The following ADARB2 variants were observed in gnomAD, a reference collection of about 807,000 sequenced individuals.
ADARB2 encodes the protein inactive double-stranded RNA-specific editase B2.
Under a neutral mutation model 62.2 loss-of-function variants are expected in ADARB2, and 25 were observed. That is an observed-to-expected ratio of 0.40 (90% CI 0.29 to 0.56). The LOEUF is 0.56. Ranked by LOEUF, ADARB2 falls within the 20% of genes least tolerant of loss-of-function variation. ADARB2 has a pLI of 0.43. For synonymous variants in ADARB2, 572 were observed against 500.8 expected, an observed-to-expected ratio of 1.14 and a Z score of -1.90; for missense variants, 1,071 against 1,077.4, an observed-to-expected ratio of 0.99 and a Z score of 0.08.
intron 1 of ADARB2, among the ~76,000 whole-genome samples, chr10:1,445,273 TCCAC>T (rs1469098649): frequency 8.6e-5 from 13 of 151,820 alleles, no homozygotes; most frequent in East Asian, 3.9e-4. Context: ...CATCCATCCA[TCCAC>T]CCACCCACCC....
At chr10:1,640,083 G>A (rs1833962695) in intron 1 of ADARB2, among the ~76,000 whole-genome samples, 1 of 152,174 alleles carries the variant, frequency 6.6e-6, no homozygotes, top group Non-Finnish European at 1.5e-5. Context: ...GAGCATGGCG[G>A]CTATACTTAC....
intron 1 of ADARB2, among the ~76,000 whole-genome samples, chr10:1,482,800 G>A (rs1791654417): frequency 6.6e-6 from 1 of 151,952 alleles, no homozygotes; most frequent in African/African-American, 2.4e-5. Context: ...GGACACTCGT[G>A]CAGGACCCTT....
intron 3 of ADARB2, among the ~76,000 whole-genome samples, chr10:1,285,389 C>G (rs950116896): frequency 1.3e-5 from 2 of 152,124 alleles, no homozygotes; most frequent in African/African-American, 4.8e-5. Context: ...CTGGAGAATC[C>G]TTGGTGATGC....
intron 8 of ADARB2, among the ~76,000 whole-genome samples, chr10:1,192,493 C>T (rs906144446): frequency 1.3e-5 from 2 of 152,296 alleles, no homozygotes; most frequent in Admixed American, 1.3e-4. Flanking sequence ...TATTCATTAT[C>T]ATTGATATGA....
At chr10:1,227,786 C>T (rs1037894224) in intron 6 of ADARB2, among the ~76,000 whole-genome samples, 3 of 152,256 alleles carry the variant, frequency 2.0e-5, no homozygotes, top group Admixed American at 1.3e-4. Context: ...TATTTTTAAA[C>T]ACCAAATAAA....
rs183450150 is a variant in ADARB2, at chr10:1,282,474, T to C, written c.1078-11405A>G. Among the ~76,000 whole-genome samples, 38 of 152,344 alleles carry C rather than the reference T, an allele frequency of 2.5e-4. 1 individual carries two copies. The highest frequency in any genetic ancestry group is 8.7e-4 in the African/African-American group (36 of 41,588). On this transcript the variant is annotated intron_variant, in intron 3 of 9. Transcript: ENST00000381312. ...GTAGTTTTCCATAGTTGAATTACTG[T>C]ATGTAAATGATACTGCCATTGATGA...
chr10:1,386,684 G>A (rs1354463844), intron 1 of ADARB2, among the ~76,000 whole-genome samples: 1 of 150,108 alleles, frequency 6.7e-6, no homozygotes, highest in East Asian at 1.9e-4. Context: ...ATGAAGGAGG[G>A]TAGAAACATA....
chr10:1,213,714 C>A (rs1486298974), intron 7 of ADARB2, among the ~76,000 whole-genome samples: 1 of 152,242 alleles, frequency 6.6e-6, no homozygotes. Context: ...CTAGAATCAC[C>A]CCCAAATCCC....
intron 3 of ADARB2, chr10:1,291,579 C>A (rs1188992117): frequency 6.6e-6 from 1 of 152,250 alleles, no homozygotes; most frequent in Non-Finnish European, 1.5e-5. Flanking sequence ...ACCCGATGTC[C>A]CTGGTGGAGT....
chr10:1,387,408 G>C (rs911697304), intron 1 of ADARB2, among the ~76,000 whole-genome samples: 3 of 151,850 alleles, frequency 2.0e-5, no homozygotes, highest in African/African-American at 7.2e-5. Context: ...TTTCTAATTA[G>C]AAATAAATGA....
chr10:1,520,484 T>C (rs1025160175), intron 1 of ADARB2, among the ~76,000 whole-genome samples: 2 of 152,194 alleles, frequency 1.3e-5, no homozygotes, highest in Admixed American at 6.5e-5. Flanking sequence ...CATGAAAAGC[T>C]AAACTTAGGG....
intron 3 of ADARB2, among the ~76,000 whole-genome samples, chr10:1,351,293 G>T (rs1037952975): frequency 1.3e-5 from 2 of 152,070 alleles, no homozygotes; most frequent in Non-Finnish European, 2.9e-5. Context: ...CACAGTGGAA[G>T]GTAAGTCCGT....
chr10:1,622,386 T>C (rs1798725827), intron 1 of ADARB2, among the ~76,000 whole-genome samples: 1 of 152,166 alleles, frequency 6.6e-6, no homozygotes, highest in South Asian at 2.1e-4. Context: ...AACACATCTT[T>C]AATGAAAAAA....
chr10:1,495,482 G>T (rs1388432480), intron 1 of ADARB2, among the ~76,000 whole-genome samples: 1 of 152,150 alleles, frequency 6.6e-6, no homozygotes, highest in Admixed American at 6.5e-5. Context: ...ACTATGCAAT[G>T]GGTTTAAACA....
intron 1 of ADARB2, among the ~76,000 whole-genome samples, chr10:1,408,983 G>C (rs534312675): frequency 6.6e-6 from 1 of 152,182 alleles, no homozygotes; most frequent in Non-Finnish European, 1.5e-5. Context: ...TGGTGGTGGC[G>C]TCAGTGATTG....
intron 1 of ADARB2, among the ~76,000 whole-genome samples, chr10:1,590,752 G>C (rs1385535980): frequency 6.6e-6 from 1 of 152,246 alleles, no homozygotes; most frequent in Admixed American, 6.5e-5. Flanking sequence ...GGAGAGTCGT[G>C]CAGGGGGTTG....
intron 1 of ADARB2, among the ~76,000 whole-genome samples, chr10:1,616,887 C>T (rs12772184): frequency 2.8e-4 from 10 of 35,778 alleles, no homozygotes; most frequent in African/African-American, 3.8e-4. Context: ...TGGCCTCAGA[C>T]GGTTGCATTC....
chr10:1,598,086 C>A (rs1833356712), intron 1 of ADARB2, among the ~76,000 whole-genome samples: 1 of 152,238 alleles, frequency 6.6e-6, no homozygotes, highest in East Asian at 1.9e-4. Context: ...CATGGATACA[C>A]TGAGTGGAAA....
At chr10:1,297,750 G>T (rs1030483574) in intron 3 of ADARB2, among the ~76,000 whole-genome samples, 3 of 152,162 alleles carry the variant, frequency 2.0e-5, no homozygotes, top group African/African-American at 7.2e-5. Flanking sequence ...CTTTTTCCTC[G>T]GTAAGCCCTG....
Sources: allele counts gnomAD v4.1 joint callset (sites outside exome capture counted in the v4.1 genomes callset), GRCh38; gene constraint gnomAD v4.1.1; transcripts MANE v1.5; gene names NCBI Gene and HGNC (gene_info 2026-07-23, HGNC 2026-07-21).